The following KCNIP4 variants were observed in gnomAD, a reference collection of about 807,000 sequenced individuals.
KCNIP4 encodes the protein potassium voltage-gated channel interacting protein 4, also known as Kv channel-interacting protein 4.
A neutral mutation model predicts 34.0 loss-of-function variants in KCNIP4; 12 were observed. The observed-to-expected ratio is 0.35, with a 90% confidence interval of 0.23 to 0.57. KCNIP4 has a LOEUF of 0.57. KCNIP4 is among the 20% of genes least tolerant of loss of function. KCNIP4 has a pLI of 0.83. For missense variants in KCNIP4, 238 were observed against 311.7 expected (o/e 0.76, Z 1.78); for synonymous variants, 124 against 102.2 (o/e 1.21, Z -1.29).
chr4:21,056,280 C>T (rs1049590421), intron 1 of KCNIP4, among the ~76,000 whole-genome samples: 1 of 152,068 alleles, frequency 6.6e-6, no homozygotes, highest in Non-Finnish European at 1.5e-5. Context: ...AAAAAAAAGC[C>T]TTGAAATTTC....
intron 1 of KCNIP4, among the ~76,000 whole-genome samples, chr4:21,500,412 A>G (rs976102240): frequency 6.6e-6 from 1 of 152,152 alleles, no homozygotes; most frequent in East Asian, 1.9e-4. Flanking sequence ...CAACTTCATC[A>G]TAAAAAACTT....
At chr4:21,709,130 C>CA (rs1202004232) in intron 1 of KCNIP4, among the ~76,000 whole-genome samples, 11 of 148,360 alleles carry the variant, frequency 7.4e-5, no homozygotes, top group East Asian at 5.9e-4. Context: ...GTGAGATCCC[C>CA]AAAAAAAAAC....
At chr4:21,065,494 C>A (rs892505982) in intron 1 of KCNIP4, among the ~76,000 whole-genome samples, 2 of 151,910 alleles carry the variant, frequency 1.3e-5, no homozygotes. Context: ...CTAAAAAAAT[C>A]ATATTTAATT....
At chr4:21,152,244 C>G (rs1430520025) in intron 1 of KCNIP4, among the ~76,000 whole-genome samples, 1 of 152,142 alleles carries the variant, frequency 6.6e-6, no homozygotes, top group African/African-American at 2.4e-5. Flanking sequence ...CAAAGCTAGA[C>G]TCCGTTTCAA....
chr4:21,573,842 T>C (rs1377037312), intron 1 of KCNIP4, among the ~76,000 whole-genome samples: 3 of 152,190 alleles, frequency 2.0e-5, no homozygotes, highest in African/African-American at 4.8e-5. Context: ...GGAAACTGGA[T>C]AGACTGGGAC....
chr4:20,857,930 C>A (rs1383248331), intron 2 of KCNIP4, among the ~76,000 whole-genome samples: 1 of 151,770 alleles, frequency 6.6e-6, no homozygotes, highest in Non-Finnish European at 1.5e-5. Context: ...AAGCATAGGC[C>A]GGGCGTGGTG....
intron 1 of KCNIP4, among the ~76,000 whole-genome samples, chr4:21,328,605 T>C (rs1260059229): frequency 2.0e-5 from 3 of 152,138 alleles, no homozygotes; most frequent in Non-Finnish European, 2.9e-5. Flanking sequence ...GTTCACTCAT[T>C]TCTTTAGGGC....
intron 1 of KCNIP4, among the ~76,000 whole-genome samples, chr4:21,146,282 C>T (rs1228037231): frequency 1.3e-5 from 2 of 152,068 alleles, no homozygotes; most frequent in Admixed American, 6.5e-5. Context: ...CCTATAGTCC[C>T]AGCTACTCAG....
chr4:21,603,747 G>T (rs1482492404), intron 1 of KCNIP4, among the ~76,000 whole-genome samples: 5 of 151,440 alleles, frequency 3.3e-5, no homozygotes, highest in Admixed American at 6.6e-5. Context: ...TCTGACTAGC[G>T]ATGTGTCTTT....
intron 3 of KCNIP4, among the ~76,000 whole-genome samples, chr4:20,819,805 C>T (rs1487044108): frequency 6.6e-6 from 1 of 152,222 alleles, no homozygotes; most frequent in African/African-American, 2.4e-5. Context: ...CAGCATTCAT[C>T]CCTTCTGGAG....
At chr4:21,078,435 A>G (rs1745700092) in intron 1 of KCNIP4, among the ~76,000 whole-genome samples, 1 of 151,990 alleles carries the variant, frequency 6.6e-6, no homozygotes, top group African/African-American at 2.4e-5. Context: ...CTTGGGTTGC[A>G]GGCAGCTGCC....
At chr4:21,811,304 C>A (rs962527963) in intron 1 of KCNIP4, among the ~76,000 whole-genome samples, 1 of 152,168 alleles carries the variant, frequency 6.6e-6, no homozygotes, top group Admixed American at 6.5e-5. Flanking sequence ...ATTCCATGAA[C>A]TCTCTCATCC....
intron 1 of KCNIP4, among the ~76,000 whole-genome samples, chr4:21,800,756 G>A (rs34580494): frequency 1.5e-4 from 23 of 151,972 alleles, no homozygotes; most frequent in African/African-American, 4.6e-4. Flanking sequence ...ATAGAATTCC[G>A]CATACAAACT....
At chr4:21,527,258 AG>A (rs1232495642) in intron 1 of KCNIP4, among the ~76,000 whole-genome samples, 1 of 152,218 alleles carries the variant, frequency 6.6e-6, no homozygotes, top group African/African-American at 2.4e-5. Context: ...GGACCTCCTA[AG>A]GGAGACCCTC....
intron 3 of KCNIP4, among the ~76,000 whole-genome samples, chr4:20,789,636 A>G (rs73802331): frequency 0.033 from 5,053 of 152,052 alleles, 233 homozygotes; most frequent in African/African-American, 0.1. Flanking sequence ...GCACTAGGTC[A>G]TTGAGGTTTG....
At chr4:21,144,697 T>G (rs1197375868) in intron 1 of KCNIP4, among the ~76,000 whole-genome samples, 6 of 152,196 alleles carry the variant, frequency 3.9e-5, no homozygotes, top group Admixed American at 3.9e-4. Context: ...ATCTCCTCCT[T>G]ATTTCTTCAG....
intron 1 of KCNIP4, among the ~76,000 whole-genome samples, chr4:21,941,576 T>C (rs1163229956): frequency 6.6e-6 from 1 of 151,932 alleles, no homozygotes; most frequent in East Asian, 1.9e-4. Context: ...GACATTTCCC[T>C]AAGCCAATAC....
At chr4:20,747,420 T>C (rs899184997) in intron 5 of KCNIP4, among the ~76,000 whole-genome samples, 3 of 152,166 alleles carry the variant, frequency 2.0e-5, no homozygotes, top group Non-Finnish European at 4.4e-5. Context: ...TAAACTTGTT[T>C]CTAAAGTGAA....
At chr4:21,771,322 C>A (rs1577966403) in intron 1 of KCNIP4, among the ~76,000 whole-genome samples, 1 of 152,118 alleles carries the variant, frequency 6.6e-6, no homozygotes, top group East Asian at 1.9e-4. Flanking sequence ...GTACAAGTAC[C>A]ATGCTATTTT....
Sources: allele counts gnomAD v4.1 joint callset (sites outside exome capture counted in the v4.1 genomes callset), GRCh38; gene constraint gnomAD v4.1.1; transcripts MANE v1.5; gene names NCBI Gene and HGNC (gene_info 2026-07-23, HGNC 2026-07-21).